RAP1A: variants seen among roughly 807,000 people sequenced by gnomAD.
RAP1A encodes the protein ras-related protein Rap-1A.
A neutral mutation model predicts 26.4 loss-of-function variants in RAP1A; 6 were observed. The ratio of observed to expected loss-of-function variants is 0.23; its 90% CI spans 0.12 to 0.45. RAP1A has a LOEUF of 0.45. RAP1A is among the 20% of genes least tolerant of loss of function. The pLI is 0.99. For synonymous variants in RAP1A, 73 were observed against 79.4 expected (o/e 0.92, Z 0.43); for missense variants, 121 against 217.2 (o/e 0.56, Z 2.78).
intron 3 of RAP1A, among the ~76,000 whole-genome samples, chr1:111,696,895 C>G (rs1220496462): frequency 6.6e-6 from 1 of 152,044 alleles, no homozygotes; most frequent in Non-Finnish European, 1.5e-5. Flanking sequence ...TAGCTCATTG[C>G]TGTTTATTTT....
intron 1 of RAP1A, among the ~76,000 whole-genome samples, chr1:111,681,977 A>G (rs560804843): frequency 6.6e-6 from 1 of 152,360 alleles, no homozygotes; most frequent in East Asian, 1.9e-4. Flanking sequence ...AGGGAAGCCT[A>G]TCAGAATAAC....
At chr1:111,561,586 TCAGGTCAAACACAGAG>T (rs1657738588) in intron 1 of RAP1A, among the ~76,000 whole-genome samples, 1 of 152,152 alleles carries the variant, frequency 6.6e-6, no homozygotes, top group African/African-American at 2.4e-5. Flanking sequence ...GGCCACATGG[TCAGGTCAAACACAGAG>T]CAGAAGGTCA....
chr1:111,578,766 C>T (rs1658193564), intron 1 of RAP1A, among the ~76,000 whole-genome samples: 2 of 152,102 alleles, frequency 1.3e-5, no homozygotes, highest in African/African-American at 2.4e-5. Flanking sequence ...AGCATCAGAT[C>T]CCAGTGGTTG....
chr1:111,653,873 G>A (rs2101141673), intron 1 of RAP1A, among the ~76,000 whole-genome samples: 1 of 152,176 alleles, frequency 6.6e-6, no homozygotes, highest in South Asian at 2.1e-4. Context: ...ACCTCAAAAG[G>A]CACAGAGGAT....
intron 1 of RAP1A, among the ~76,000 whole-genome samples, chr1:111,556,347 CTATA>C (rs1657492360): frequency 6.6e-6 from 1 of 152,194 alleles, no homozygotes; most frequent in Non-Finnish European, 1.5e-5. Context: ...TGTACAAGTG[CTATA>C]TAAAATAGTA....
At chr1:111,621,100 CTCT>C (rs1659189586) in intron 1 of RAP1A, among the ~76,000 whole-genome samples, 1 of 152,206 alleles carries the variant, frequency 6.6e-6, no homozygotes, top group African/African-American at 2.4e-5. Context: ...TAGCCAGCCA[CTCT>C]TCTTAGGTGG....
upstream of RAP1A, among the ~76,000 whole-genome samples, chr1:111,617,841 C>T (rs978840437): frequency 4.6e-5 from 7 of 151,630 alleles, no homozygotes; most frequent in Admixed American, 2.0e-4. Context: ...GTTGGGAATT[C>T]GAGACCAGCC....
intron 1 of RAP1A, among the ~76,000 whole-genome samples, chr1:111,581,790 C>T (rs1434740757): frequency 6.6e-6 from 1 of 152,170 alleles, no homozygotes; most frequent in Non-Finnish European, 1.5e-5. Context: ...CTAGAGAATT[C>T]AGGGAAGCCT....
At position 111,712,916 on chromosome 1, in the gene RAP1A, CATT is replaced by C. The variant is rs1662429948; in HGVS notation, c.*518_*520del. ...TAAAAAATTATGGAATATCATCTGT[CATT>C]ATATTCTAATTAAAATTGTGCATAA... On this transcript the variant is annotated 3_prime_UTR_variant, in exon 8 of 8. Coordinates refer to ENST00000369709, the MANE Select transcript of RAP1A (RefSeq NM_002884.4). The C allele has an allele frequency of 6.6e-6, 1 of 152,380 alleles. No homozygotes were observed. The highest frequency in any genetic ancestry group is 1.5e-5 in the Non-Finnish European group (1 of 67,932). 9.4% of individuals were successfully genotyped at this position (152,380 alleles called of 1,614,324 possible).
intron 1 of RAP1A, among the ~76,000 whole-genome samples, chr1:111,635,891 A>G (rs1659716092): frequency 6.6e-6 from 1 of 152,092 alleles, no homozygotes; most frequent in Admixed American, 6.6e-5. Flanking sequence ...TGTTTCCATG[A>G]AACTGAGGTA....
At chr1:111,610,598 A>G (rs1658910925) in intron 1 of RAP1A, among the ~76,000 whole-genome samples, 1 of 151,284 alleles carries the variant, frequency 6.6e-6, no homozygotes, top group South Asian at 2.1e-4. Context: ...CCAGTCACTG[A>G]AGATGGGGAA....
chr1:111,646,655 C>T (rs951294488), intron 1 of RAP1A, among the ~76,000 whole-genome samples: 1 of 152,102 alleles, frequency 6.6e-6, no homozygotes, highest in Admixed American at 6.5e-5. Context: ...ATTCTCCTGC[C>T]TCAGCCTCCC....
intron 1 of RAP1A, among the ~76,000 whole-genome samples, chr1:111,629,469 A>C (rs2101101051): frequency 6.6e-6 from 1 of 152,276 alleles, no homozygotes; most frequent in Non-Finnish European, 1.5e-5. Flanking sequence ...GGTATCTTCC[A>C]ATGGAGAAAA....
intron 1 of RAP1A, among the ~76,000 whole-genome samples, chr1:111,580,618 G>A (rs957314496): frequency 6.6e-6 from 1 of 152,202 alleles, no homozygotes; most frequent in Non-Finnish European, 1.5e-5. Flanking sequence ...GGAGGCCAAG[G>A]CGGGCGGATC....
chr1:111,542,054 T>C (rs115254966), upstream of RAP1A, among the ~76,000 whole-genome samples: 1,515 of 151,598 alleles, frequency 1.0e-2, 25 homozygotes, highest in African/African-American at 0.034. Context: ...ATACCTCTCT[T>C]AACAGCTTAA....
chr1:111,706,102 A>AG (rs1357862483), intron 6 of RAP1A, among the ~76,000 whole-genome samples: 1 of 152,236 alleles, frequency 6.6e-6, no homozygotes, highest in East Asian at 1.9e-4. Context: ...TTTATAAACG[A>AG]GGGTTTATAA....
At chr1:111,610,616 T>C (rs1439688337) in intron 1 of RAP1A, among the ~76,000 whole-genome samples, 1 of 150,792 alleles carries the variant, frequency 6.6e-6, no homozygotes, top group Non-Finnish European at 1.5e-5. Context: ...GAAGATGGAG[T>C]TCTTCCTTGA....
chr1:111,592,817 C>T (rs933689574), intron 1 of RAP1A, among the ~76,000 whole-genome samples: 3 of 152,166 alleles, frequency 2.0e-5, no homozygotes, highest in Admixed American at 1.3e-4. Flanking sequence ...CTGCCCCACC[C>T]CCTCCCATCT....
intron 3 of RAP1A, 52 bp from the exon 4 acceptor site, chr1:111,697,389 A>C: frequency 2.5e-6 from 4 of 1,607,766 alleles, no homozygotes; most frequent in Non-Finnish European, 2.5e-6. Context: ...AAGAAAACAG[A>C]ATGAGATTTT....
Sources: allele counts gnomAD v4.1 joint callset (sites outside exome capture counted in the v4.1 genomes callset), GRCh38; gene constraint gnomAD v4.1.1; transcripts MANE v1.5; gene names NCBI Gene and HGNC (gene_info 2026-07-23, HGNC 2026-07-21).